Variants in NIPSNAP1 observed in about 807,000 individuals in gnomAD.
NIPSNAP1 encodes the protein nipsnap homolog 1, also known as protein NipSnap homolog 1.
Under a neutral mutation model 49.2 loss-of-function variants are expected in NIPSNAP1, and 25 were observed. The observed-to-expected ratio is 0.51, with a 90% confidence interval of 0.37 to 0.71. The LOEUF (loss-of-function observed/expected upper bound fraction) is 0.71. Ranked by LOEUF, NIPSNAP1 falls within the 30% of genes least tolerant of loss-of-function variation. The probability of loss-of-function intolerance (pLI) is 0.00; values close to 1 mark genes in which losing one functional copy is unlikely to be tolerated. For missense variants in NIPSNAP1, 294 were observed against 361.0 expected, an observed-to-expected ratio of 0.81 and a Z score of 1.50; for synonymous variants, 143 against 140.7, an observed-to-expected ratio of 1.02 and a Z score of -0.12.
intron 1 of NIPSNAP1, among the ~76,000 whole-genome samples, chr22:29,577,525 T>A (rs2064462325): frequency 1.3e-5 from 2 of 150,926 alleles, no homozygotes; most frequent in Admixed American, 1.3e-4. Flanking sequence ...GTTCAAGTGA[T>A]TCTCCTGTCT....
chr22:29,576,013 CT>C (rs35741168), intron 1 of NIPSNAP1, among the ~76,000 whole-genome samples: 101 of 138,380 alleles, frequency 7.3e-4, no homozygotes, highest in Middle Eastern at 3.7e-3. Context: ...CACACTTGGC[CT>C]TTTTTTTTTT....
At chr22:29,580,325 C>G (rs942574118) in intron 1 of NIPSNAP1, 2 of 953,972 alleles carry the variant, frequency 2.1e-6, no homozygotes, top group South Asian at 9.7e-5. Context: ...CCTAGCTCAG[C>G]CCAGAGCAGG....
intron 1 of NIPSNAP1, among the ~76,000 whole-genome samples, chr22:29,572,461 A>G (rs1046115394): frequency 4.6e-5 from 7 of 151,808 alleles, no homozygotes; most frequent in African/African-American, 1.7e-4. Flanking sequence ...TCAGAGGATC[A>G]CTTGAGCCCA....
rs569640930 is a variant in NIPSNAP1, at chr22:29,556,031, G to A, written c.791-32C>T. On this transcript the variant is annotated intron_variant, in intron 9 of 9. Coordinates refer to ENST00000216121, the MANE Select transcript of NIPSNAP1 (RefSeq NM_003634.4). ...AGAGAGAAGGCAGAGGTCACACAGG[G>A]GGCTCAAGCAAGCCAACAACCTCCC... is the stretch of plus-strand genomic sequence containing the variant. 1.2e-5 allele frequency: 18 copies of A among 1,547,906 alleles called. No homozygotes were observed. The South Asian group carries it at 2.1e-4, about 18-fold the overall frequency.
At position 29,555,813 on chromosome 22, in the gene NIPSNAP1, G is replaced by T; in HGVS notation, c.*122C>A. On this transcript the variant is annotated 3_prime_UTR_variant, in exon 10 of 10. Transcript: ENST00000216121. ...CCTTCAGTTCCCCCTTGTCTGAACT[G>T]AGCACTGCCCCTCAGAGTCCTCCCA... 1 of 852,612 alleles carries T rather than the reference G, an allele frequency of 1.2e-6. No homozygotes were observed. The highest frequency in any genetic ancestry group is 2.0e-6 in the Non-Finnish European group (1 of 510,526). 52.8% of individuals were successfully genotyped at this position (852,612 alleles called of 1,614,324 possible).
At position 29,558,965 on chromosome 22, in the gene NIPSNAP1, G is replaced by T. The variant is rs201723766; in HGVS notation, c.707-12C>A. The stretch of plus-strand genomic sequence containing the variant: ...CAGGTCTTTATAGGCTGTGAGAAAG[G>T]CACAGGCTCATTCCTCAGGCACAGA... On this transcript the variant is annotated splice_polypyrimidine_tract_variant and intron_variant, in intron 8 of 9. Transcript: ENST00000216121. The T allele has an allele frequency of 4.3e-4, 683 of 1,600,690 alleles. 7 individuals carry two copies. The highest frequency in any genetic ancestry group is 8.9e-5 in the East Asian group (4 of 44,806).
At chr22:29,567,991 A>G (rs899808068) in intron 4 of NIPSNAP1, among the ~76,000 whole-genome samples, 4 of 151,730 alleles carry the variant, frequency 2.6e-5, no homozygotes, top group African/African-American at 9.7e-5. Flanking sequence ...CAGCCTGGGC[A>G]ACATGGAGAA....
intron 4 of NIPSNAP1, 44 bp from the exon 5 acceptor site, chr22:29,561,906 C>G: frequency 6.3e-7 from 1 of 1,599,236 alleles, no homozygotes; most frequent in Non-Finnish European, 8.6e-7. Context: ...GCTGGGACCC[C>G]CAGCAGATGA....
At chr22:29,573,762 C>CT (rs2146614987) in intron 1 of NIPSNAP1, among the ~76,000 whole-genome samples, 1 of 88,278 alleles carries the variant, frequency 1.1e-5, no homozygotes, top group East Asian at 1.2e-3. Context: ...GAGTGAAACT[C>CT]TGTCTCAAAA....
Position 29,560,730 on chromosome 22 carries a change from C to G in NIPSNAP1, c.706+4G>C. 1.2e-6 allele frequency: 2 copies of G among 1,613,790 alleles called. No homozygotes were observed. Among genetic ancestry groups the G allele is most frequent in the African/African-American group, 1.3e-5 (1 of 75,036 alleles). Reference sequence around the variant, plus strand: ...AAAAGGCTCCTGGAAGGTCCTCAACCTACCCCAGAGATGGTGCACCACGTA... The same window carrying G: ...AAAAGGCTCCTGGAAGGTCCTCAACGTACCCCAGAGATGGTGCACCACGTA... On this transcript the variant is annotated splice_donor_region_variant and intron_variant, in intron 8 of 9. Coordinates refer to ENST00000216121, the MANE Select transcript of NIPSNAP1 (RefSeq NM_003634.4).
chr22:29,580,840 C>T, intron 1 of NIPSNAP1, 145 bp downstream of exon 1: 1 of 658,182 alleles, frequency 1.5e-6, no homozygotes, highest in Non-Finnish European at 2.5e-6. Context: ...TTGCCCAGAC[C>T]CCTCCCTAGG....
intron 4 of NIPSNAP1, among the ~76,000 whole-genome samples, chr22:29,566,208 G>A (rs1441228132): frequency 6.7e-6 from 1 of 150,272 alleles, no homozygotes; most frequent in Non-Finnish European, 1.5e-5. Context: ...GTCTCACTAT[G>A]TTGCCCAGGC....
Position 29,555,824 on chromosome 22 carries a change from C to G in NIPSNAP1, c.*111G>C, listed in dbSNP as rs1018984223. On this transcript the variant is annotated 3_prime_UTR_variant, in exon 10 of 10. Transcript: ENST00000216121. Reference sequence around the variant, plus strand: ...CCCTTGTCTGAACTGAGCACTGCCCCTCAGAGTCCTCCCAGAGCCAAGACA... The same window carrying G: ...CCCTTGTCTGAACTGAGCACTGCCCGTCAGAGTCCTCCCAGAGCCAAGACA... The G allele has an allele frequency of 4.1e-6, 4 of 966,368 alleles. No individual in the cohort carries two copies. Among genetic ancestry groups the G allele is most frequent in the Non-Finnish European group, 6.5e-6 (4 of 613,858 alleles). The allele number at this position is 966,368 out of a possible 1,614,324, so 59.9% of individuals were successfully genotyped here.
At chr22:29,561,972 C>A in intron 4 of NIPSNAP1, 110 bp from the exon 5 acceptor site, 1 of 893,726 alleles carries the variant, frequency 1.1e-6, no homozygotes, top group East Asian at 2.5e-5. Flanking sequence ...GCCTGGTTCC[C>A]TGTAGCAGCA....
chr22:29,561,352 G>C, intron 6 of NIPSNAP1, 150 bp from the exon 7 acceptor site: 1 of 1,412,070 alleles, frequency 7.1e-7, no homozygotes, highest in Middle Eastern at 1.8e-4. Flanking sequence ...ACACACACCT[G>C]GTGTGCATGT....
chr22:29,556,083 TTGAG>T (rs1191401845), intron 9 of NIPSNAP1, 84 bp from the exon 10 acceptor site: 47 of 1,223,184 alleles, frequency 3.8e-5, no homozygotes, highest in African/African-American at 6.0e-5. Context: ...ATGCTGGCCT[TTGAG>T]TGGGCAGGAG....
intron 1 of NIPSNAP1, 124 bp downstream of exon 1, chr22:29,580,861 G>A: frequency 1.3e-6 from 1 of 753,018 alleles, no homozygotes; most frequent in Non-Finnish European, 2.0e-6. Context: ...CCTTGATCCT[G>A]CCCCGCCTCT....
rs761239603 is a variant in NIPSNAP1 at position 29,561,543 on chromosome 22, C to T, written c.542G>A (p.Gly181Asp). ...TGTCCTCAGCTCATAGATGTTGGGACCCATTCTGGGCTGTGGCTCATTCCA... is the reference window on the plus strand; with the variant it reads ...TGTCCTCAGCTCATAGATGTTGGGATCCATTCTGGGCTGTGGCTCATTCCA... ...SFWNEPQPRM[G>D]PNIYELRTYK... is the part of the protein sequence containing the mutation. Residue 181 changes from glycine (G) to aspartate (D), a missense_variant, in exon 6 of 10, where the codon GGT becomes GAT. Coordinates refer to ENST00000216121, the MANE Select transcript of NIPSNAP1 (RefSeq NM_003634.4). 1.2e-6 allele frequency: 2 copies of T among 1,614,098 alleles called. No homozygotes were observed. Among genetic ancestry groups the T allele is most frequent in the Non-Finnish European group, 1.7e-6 (2 of 1,180,018 alleles).
rs182015987 is a variant in NIPSNAP1 at position 29,578,378 on chromosome 22, C to T, written c.98+2607G>A. On this transcript the variant is annotated intron_variant, in intron 1 of 9. Transcript: ENST00000216121. ...ATAGAGACAGGATCTCGCCATGTTG[C>T]CCAGGCTGGTCTCAAACTCCTGGGT... is the stretch of plus-strand genomic sequence containing the variant. Among the ~76,000 whole-genome samples the T allele has an allele frequency of 9.1e-4, 138 of 151,218 alleles. 1 individual carries two copies. Among genetic ancestry groups the T allele is most frequent in the Non-Finnish European group, 4.0e-4 (27 of 67,978 alleles).
Sources: allele counts gnomAD v4.1 joint callset (sites outside exome capture counted in the v4.1 genomes callset), GRCh38; gene constraint gnomAD v4.1.1; transcripts MANE v1.5; gene names NCBI Gene and HGNC (gene_info 2026-07-23, HGNC 2026-07-21).